Variants in GARIN2 observed in about 807,000 individuals in gnomAD.
The protein encoded by GARIN2 is golgi associated RAB2 interactor family member 2.
chr14:67,196,223 C>CTTTTTTTTTTTTTTTT, the GARIN2 span, among the ~76,000 whole-genome samples: 4 of 143,114 alleles, frequency 2.8e-5, no homozygotes, highest in Admixed American at 7.0e-5. Flanking sequence ...TTCTTTCTTT[C>CTTTTTTTTTTTTTTTT]TTTTTTTTTT....
chr14:67,227,936 A>G, the GARIN2 span, among the ~76,000 whole-genome samples: 3 of 152,206 alleles, frequency 2.0e-5, no homozygotes, highest in African/African-American at 7.2e-5. Flanking sequence ...TTTGGAGGCC[A>G]AGGCGGGTGG....
the GARIN2 span, among the ~76,000 whole-genome samples, chr14:67,221,348 A>C: frequency 1.3e-5 from 2 of 152,230 alleles, no homozygotes; most frequent in Non-Finnish European, 2.9e-5. Flanking sequence ...CATCCATTTC[A>C]GAATTTATCC....
the GARIN2 span, chr14:67,199,370 A>G: frequency 1.9e-6 from 3 of 1,614,020 alleles, no homozygotes; most frequent in Admixed American, 3.3e-5. Context: ...CAACATTTTC[A>G]ATGGGAACCT....
At chr14:67,201,296 AAAAC>A in the GARIN2 span, 27 of 349,170 alleles carry the variant, frequency 7.7e-5, 1 homozygote, top group African/African-American at 3.6e-4. Flanking sequence ...TTTGTCTCTA[AAAAC>A]AAACAAATAA....
chr14:67,189,750 A>C, the GARIN2 span: 1 of 151,758 alleles, frequency 6.6e-6, no homozygotes, highest in Non-Finnish European at 1.5e-5. Context: ...GAGACTTAAC[A>C]CCTGGTGACT....
At chr14:67,204,858 T>C in the GARIN2 span, 1 of 1,613,908 alleles carries the variant, frequency 6.2e-7, no homozygotes, top group East Asian at 2.2e-5. Context: ...GCCCTGAACA[T>C]GTCAGGGACA....
chr14:67,201,019 G>C, the GARIN2 span, among the ~76,000 whole-genome samples: 2 of 152,148 alleles, frequency 1.3e-5, no homozygotes, highest in African/African-American at 4.8e-5. Flanking sequence ...AATTAGGCTG[G>C]GTGCAGTGGC....
At chr14:67,199,814 G>A in the GARIN2 span, 2 of 1,509,898 alleles carry the variant, frequency 1.3e-6, no homozygotes, top group Non-Finnish European at 1.8e-6. Flanking sequence ...GCCTCCTGGA[G>A]CCCTCCCACC....
At chr14:67,199,433 G>A in the GARIN2 span, 9 of 1,613,156 alleles carry the variant, frequency 5.6e-6, no homozygotes, top group Non-Finnish European at 7.6e-6. Flanking sequence ...CGCCTTTGGG[G>A]TCATCTTACA....
the GARIN2 span, among the ~76,000 whole-genome samples, chr14:67,225,960 T>TGCGCGC: frequency 1.5e-4 from 18 of 119,806 alleles, no homozygotes; most frequent in African/African-American, 7.9e-4. Flanking sequence ...TGTGTGTGTG[T>TGCGCGC]GTGCGCGCGC....
chr14:67,225,827 G>A, the GARIN2 span, among the ~76,000 whole-genome samples: 1 of 152,024 alleles, frequency 6.6e-6, no homozygotes, highest in African/African-American at 2.4e-5. Flanking sequence ...ACTTCTCTCA[G>A]CCATGATAAC....
chr14:67,221,588 T>C, the GARIN2 span, among the ~76,000 whole-genome samples: 2 of 152,194 alleles, frequency 1.3e-5, no homozygotes, highest in South Asian at 4.1e-4. Flanking sequence ...ATAGTCCACA[T>C]GTTGCAGAAA....
the GARIN2 span, among the ~76,000 whole-genome samples, chr14:67,222,428 A>T: frequency 6.6e-6 from 1 of 152,082 alleles, no homozygotes; most frequent in African/African-American, 2.4e-5. Context: ...AGTAGCTGGG[A>T]TTACAGGCGT....
the GARIN2 span, among the ~76,000 whole-genome samples, chr14:67,196,111 C>G: frequency 6.6e-6 from 1 of 152,164 alleles, no homozygotes; most frequent in Non-Finnish European, 1.5e-5. Flanking sequence ...CCATCATCCT[C>G]TGTGCATTTC....
chr14:67,211,105 T>A, the GARIN2 span, among the ~76,000 whole-genome samples: 4 of 152,226 alleles, frequency 2.6e-5, no homozygotes, highest in South Asian at 8.3e-4. Flanking sequence ...GTTACTTAAC[T>A]TCTTCAGGTC....
the GARIN2 span, among the ~76,000 whole-genome samples, chr14:67,197,853 C>T: frequency 6.6e-6 from 1 of 151,976 alleles, no homozygotes; most frequent in African/African-American, 2.4e-5. Context: ...TCATTTTTTA[C>T]TATATGTATC....
At chr14:67,196,842 C>T in the GARIN2 span, 2 of 152,272 alleles carry the variant, frequency 1.3e-5, no homozygotes, top group Admixed American at 1.3e-4. Flanking sequence ...CTTACAAGAA[C>T]TCTAACTCTT....
the GARIN2 span, among the ~76,000 whole-genome samples, chr14:67,221,176 A>G: frequency 6.6e-6 from 1 of 152,232 alleles, no homozygotes; most frequent in Non-Finnish European, 1.5e-5. Flanking sequence ...AGTGAAATCT[A>G]AAAAACTGCT....
the GARIN2 span, among the ~76,000 whole-genome samples, chr14:67,216,194 A>C: frequency 6.6e-6 from 1 of 152,124 alleles, no homozygotes; most frequent in Non-Finnish European, 1.5e-5. Flanking sequence ...TTTACATTAC[A>C]TTAAGATTTA....
Sources: gnomAD v4.1 joint callset for allele counts (sites outside exome capture counted in the v4.1 genomes callset) on GRCh38, gnomAD v4.1.1 for gene constraint, MANE v1.5 for transcripts, NCBI Gene and HGNC (gene_info 2026-07-23, HGNC 2026-07-21) for gene names.